MINDY2: variants seen among roughly 807,000 people sequenced by gnomAD.
MINDY2 encodes the protein ubiquitin carboxyl-terminal hydrolase MINDY-2.
MINDY2 carries 52 observed loss-of-function variants against 68.2 expected under a neutral mutation model. The ratio of observed to expected loss-of-function variants is 0.76; its 90% CI spans 0.61 to 0.96. The LOEUF is 0.96. Among genes scored for constraint, MINDY2 ranks in the 40% least tolerant of loss-of-function variants. MINDY2 has a pLI of 0.00. For missense variants in MINDY2, 881 were observed against 773.4 expected, an observed-to-expected ratio of 1.14 and a Z score of -1.65; for synonymous variants, 372 against 303.0, an observed-to-expected ratio of 1.23 and a Z score of -2.36.
intron 6 of MINDY2, among the ~76,000 whole-genome samples, chr15:58,842,804 A>G (rs2032345609): frequency 6.6e-6 from 1 of 152,178 alleles, no homozygotes; most frequent in Admixed American, 6.5e-5. Flanking sequence ...AGTGGATATT[A>G]TTATTCTCAC....
intron 7 of MINDY2, among the ~76,000 whole-genome samples, chr15:58,849,062 T>C (rs1390612682): frequency 6.6e-6 from 1 of 151,758 alleles, no homozygotes; most frequent in Non-Finnish European, 1.5e-5. Flanking sequence ...ATACAAAGAT[T>C]AGCCAGGTGT....
intron 2 of MINDY2, chr15:58,795,997 C>G: frequency 2.3e-6 from 1 of 429,572 alleles, no homozygotes. Flanking sequence ...GGAGAATACT[C>G]TCTTTATGAC....
chr15:58,820,496 A>G (rs1425125188), intron 4 of MINDY2, among the ~76,000 whole-genome samples: 1 of 152,100 alleles, frequency 6.6e-6, no homozygotes, highest in Non-Finnish European at 1.5e-5. Context: ...ATTTTCCACA[A>G]TTTCCTGCTG....
chr15:58,792,670 C>T (rs1360647349), intron 2 of MINDY2, among the ~76,000 whole-genome samples: 13 of 151,998 alleles, frequency 8.6e-5, no homozygotes, highest in East Asian at 1.9e-4. Flanking sequence ...TGGAAACAAC[C>T]GAAATGTCTT....
At position 58,858,226 on chromosome 15, in the gene MINDY2, A is replaced by T. The variant is rs2033119607; in HGVS notation, c.*3616A>T. ...CAGAGTTGAATGAAGTGTAGATTTA[A>T]ATTTAGGATTAGGCTTTGGAATATA... On this transcript the variant is annotated 3_prime_UTR_variant, in exon 9 of 9. Coordinates refer to ENST00000559228, the MANE Select transcript of MINDY2 (RefSeq NM_001040450.3). The T allele has an allele frequency of 6.6e-6, 1 of 151,888 alleles. No homozygotes were observed. Among genetic ancestry groups the T allele is most frequent in the African/African-American group, 2.4e-5 (1 of 41,338 alleles). 9.4% of individuals were successfully genotyped at this position (151,888 alleles called of 1,614,324 possible).
chr15:58,826,225 C>CTTTTTTTTTTTTTTTTTTTTTT (rs34666834), intron 5 of MINDY2, among the ~76,000 whole-genome samples: 1 of 98,184 alleles, frequency 1.0e-5, no homozygotes, highest in Non-Finnish European at 2.0e-5. Context: ...TTCACACAAT[C>CTTTTTTTTTTTTTTTTTTTTTT]TTTTTTTTTT....
intron 3 of MINDY2, among the ~76,000 whole-genome samples, chr15:58,809,265 T>C (rs1313602407): frequency 6.6e-6 from 1 of 152,110 alleles, no homozygotes; most frequent in African/African-American, 2.4e-5. Flanking sequence ...ACAACCATTC[T>C]GCTTTCTGTT....
At chr15:58,832,551 CAG>C (rs1422934345) in intron 6 of MINDY2, among the ~76,000 whole-genome samples, 7 of 118,308 alleles carry the variant, frequency 5.9e-5, no homozygotes, top group Admixed American at 9.1e-5. Flanking sequence ...TTTCTTGAGA[CAG>C]AGTTTCACTC....
intron 5 of MINDY2, among the ~76,000 whole-genome samples, chr15:58,831,030 T>TGC (rs1417089538): frequency 1.7e-5 from 2 of 118,888 alleles, no homozygotes; most frequent in African/African-American, 8.3e-5. Flanking sequence ...TGTGTGTGTG[T>TGC]GTGTGTGTGT....
chr15:58,783,340 A>C (rs1327892046), intron 1 of MINDY2, among the ~76,000 whole-genome samples: 1 of 152,200 alleles, frequency 6.6e-6, no homozygotes, highest in East Asian at 1.9e-4. Flanking sequence ...AGTACTTATT[A>C]TATTGGTATT....
chr15:58,831,671 T>C (rs1424931799), intron 5 of MINDY2, 103 bp from the exon 6 acceptor site: 1 of 978,146 alleles, frequency 1.0e-6, no homozygotes, highest in Non-Finnish European at 1.5e-6. Flanking sequence ...GTATTATAAT[T>C]ATTGGCCTTT....
intron 6 of MINDY2, among the ~76,000 whole-genome samples, chr15:58,837,363 C>G (rs1820600288): frequency 6.6e-6 from 1 of 151,618 alleles, no homozygotes; most frequent in South Asian, 2.1e-4. Flanking sequence ...GCTTGAGGCC[C>G]AGAGTTCAAA....
At chr15:58,789,329 C>T (rs1335587765) in intron 2 of MINDY2, among the ~76,000 whole-genome samples, 1 of 152,188 alleles carries the variant, frequency 6.6e-6, no homozygotes, top group Non-Finnish European at 1.5e-5. Flanking sequence ...CAGAGCGAGA[C>T]TCCGTCTCAA....
intron 7 of MINDY2, among the ~76,000 whole-genome samples, chr15:58,850,354 T>C (rs992646988): frequency 2.0e-5 from 3 of 152,214 alleles, no homozygotes; most frequent in African/African-American, 7.2e-5. Flanking sequence ...CAGAAGACTT[T>C]TATGACACTA....
intron 4 of MINDY2, among the ~76,000 whole-genome samples, chr15:58,816,644 C>G (rs1167740168): frequency 6.6e-6 from 1 of 151,806 alleles, no homozygotes; most frequent in African/African-American, 2.4e-5. Context: ...AAAAAGATCA[C>G]TATACAGATA....
intron 3 of MINDY2, among the ~76,000 whole-genome samples, chr15:58,809,790 C>T (rs1355051296): frequency 6.6e-6 from 1 of 152,062 alleles, no homozygotes; most frequent in Non-Finnish European, 1.5e-5. Context: ...TGTTTTGTTT[C>T]GTTTTTTGAG....
At chr15:58,791,721 AAATTT>A (rs1317646863) in intron 2 of MINDY2, among the ~76,000 whole-genome samples, 1 of 151,472 alleles carries the variant, frequency 6.6e-6, no homozygotes, top group Non-Finnish European at 1.5e-5. Flanking sequence ...AATATAAATT[AAATTT>A]AATAGCCACA....
rs925970680 is a variant in MINDY2, at chr15:58,778,027, T to C, written c.840+5792T>C. Among the ~76,000 whole-genome samples, 10 of 152,164 alleles carry C rather than the reference T, an allele frequency of 6.6e-5. No individual in the cohort carries two copies. In the East Asian group the frequency reaches 1.9e-3, roughly 29 times the overall value. Reference sequence around the variant, plus strand: ...GAGGGCTGTGACCCATGTAATTAGGTGTTTATGAAGTTAAGCCAGAAGGTA... The same window carrying C: ...GAGGGCTGTGACCCATGTAATTAGGCGTTTATGAAGTTAAGCCAGAAGGTA... On this transcript the variant is annotated intron_variant, in intron 1 of 8. Transcript: ENST00000559228.
chr15:58,774,435 G>T (rs1900644533), intron 1 of MINDY2, among the ~76,000 whole-genome samples: 1 of 142,660 alleles, frequency 7.0e-6, no homozygotes, highest in Non-Finnish European at 1.5e-5. Context: ...GGTTAGCCGA[G>T]ATCACGCCAC....
Sources: gnomAD v4.1 joint callset for allele counts (sites outside exome capture counted in the v4.1 genomes callset) on GRCh38, gnomAD v4.1.1 for gene constraint, MANE v1.5 for transcripts, NCBI Gene and HGNC (gene_info 2026-07-23, HGNC 2026-07-21) for gene names.